HDAC4: variants seen among roughly 807,000 people sequenced by gnomAD.
HDAC4 encodes histone deacetylase 4.
A neutral mutation model predicts 135.1 loss-of-function variants in HDAC4; 16 were observed. That is an observed-to-expected ratio of 0.12 (90% confidence interval 0.08 to 0.18). The LOEUF (loss-of-function observed/expected upper bound fraction) is 0.18. Ranked by LOEUF, HDAC4 falls within the 10% of genes least tolerant of loss-of-function variation. The pLI is 1.00. For missense variants in HDAC4, 1,143 were observed against 1,511.8 expected, an observed-to-expected ratio of 0.76 and a Z score of 4.05; for synonymous variants, 685 against 653.4, an observed-to-expected ratio of 1.05 and a Z score of -0.74.
chr2:239,330,363 C>G (rs1691488167), intron 2 of HDAC4, among the ~76,000 whole-genome samples: 1 of 152,246 alleles, frequency 6.6e-6, no homozygotes, highest in East Asian at 1.9e-4. Flanking sequence ...CTAACCCTGC[C>G]TGGTTCCAAA....
Position 239,115,246 on chromosome 2 carries a change from T to C in HDAC4, c.1598A>G (p.Glu533Gly). Residue 533 changes from glutamate (E) to glycine (G), a missense_variant, in exon 13 of 27, where the codon GAG becomes GGG. Physicochemically the swap from Glu to Gly is moderately conservative, Grantham distance 98. Around this residue, in one of 9 missense-constraint regions of HDAC4, gnomAD observed 196 missense variants for 210.7 expected, o/e 0.93. Transcript: ENST00000543185. The surrounding 1 kb of genome is among the most constrained non-coding windows in gnomAD (Gnocchi z 6.3). ...CAGCAGAGCCTGGTGCTCACGGAGC[T>C]CCTCCTCCGTCTCCTCCGGGTGGCT... The part of the protein sequence containing the change: ...PESHPEETEE[E>G]LREHQALLDE... 6.2e-7 allele frequency: 1 copy of C among 1,612,820 alleles called. No individual in the cohort carries two copies. Among genetic ancestry groups the C allele is most frequent in the Non-Finnish European group, 8.5e-7 (1 of 1,179,670 alleles).
At chr2:239,290,126 C>T (rs2051374965) in intron 2 of HDAC4, among the ~76,000 whole-genome samples, 1 of 152,178 alleles carries the variant, frequency 6.6e-6, no homozygotes. Flanking sequence ...CAACATTAAC[C>T]AGGAAAAATT....
intron 16 of HDAC4, among the ~76,000 whole-genome samples, chr2:239,101,394 A>G (rs1054429803): frequency 3.9e-5 from 6 of 152,200 alleles, no homozygotes; most frequent in African/African-American, 1.4e-4. Context: ...GAGTGAACGC[A>G]TGAAGGACTA....
chr2:239,330,143 C>T (rs942781266), intron 2 of HDAC4, among the ~76,000 whole-genome samples: 3 of 152,244 alleles, frequency 2.0e-5, no homozygotes, highest in African/African-American at 4.8e-5. Context: ...AGCCGATGGC[C>T]GGAGGCCGTA....
chr2:239,207,888 CA>C (rs769588606), intron 3 of HDAC4, among the ~76,000 whole-genome samples: 18 of 151,936 alleles, frequency 1.2e-4, no homozygotes, highest in Non-Finnish European at 2.5e-4. Flanking sequence ...AAGAACTGGG[CA>C]AAGTATAAAA....
In HDAC4 at chr2:239,286,625, C is replaced by A. The variant is rs1220802205; in HGVS notation, c.23-49961G>T. 5.3e-5 allele frequency among the ~76,000 whole-genome samples: 8 copies of A among 152,140 alleles called. No individual in the cohort carries two copies. In the East Asian group the frequency reaches 1.5e-3, roughly 29 times the overall value. ...GATAAAACACACAAACTCACAGACA[C>A]AAAGGCAAACATATGCCAAGACAAC... On this transcript the variant is annotated intron_variant, in intron 2 of 26. Coordinates refer to ENST00000543185, the MANE Select transcript of HDAC4 (RefSeq NM_001378414.1).
chr2:239,084,869 T>TA (rs1479048464), intron 19 of HDAC4, among the ~76,000 whole-genome samples: 1 of 147,550 alleles, frequency 6.8e-6, no homozygotes, highest in Non-Finnish European at 1.5e-5. Flanking sequence ...GCCCCACAGA[T>TA]ACGCCCATAC....
chr2:239,367,396 CTATT>C (rs1323625248), intron 1 of HDAC4, among the ~76,000 whole-genome samples: 6 of 152,252 alleles, frequency 3.9e-5, no homozygotes, highest in African/African-American at 1.4e-4. Context: ...TGTTACCTAT[CTATT>C]TAACATGTAA....
intron 7 of HDAC4, among the ~76,000 whole-genome samples, chr2:239,147,164 G>A (rs1332654510): frequency 6.6e-6 from 1 of 152,240 alleles, no homozygotes; most frequent in Non-Finnish European, 1.5e-5. Flanking sequence ...AGAGAAGGGG[G>A]ATGCTGGAGA....
chr2:239,165,906 C>T (rs2043099571), intron 5 of HDAC4, among the ~76,000 whole-genome samples: 1 of 151,938 alleles, frequency 6.6e-6, no homozygotes, highest in South Asian at 2.1e-4. Flanking sequence ...TAATTTTATC[C>T]TTGGTTCTGG....
At chr2:239,121,939 C>T (rs979321767) in intron 12 of HDAC4, among the ~76,000 whole-genome samples, 5 of 152,278 alleles carry the variant, frequency 3.3e-5, no homozygotes, top group East Asian at 1.9e-4. Flanking sequence ...GTGAGCCGGA[C>T]GCGGGCAAAC....
chr2:239,256,759 G>A (rs1370397100), intron 2 of HDAC4, among the ~76,000 whole-genome samples: 1 of 152,238 alleles, frequency 6.6e-6, no homozygotes, highest in East Asian at 1.9e-4. Context: ...ATAATGTGGA[G>A]AAACACTGAC....
At chr2:239,289,476 T>A (rs2051337412) in intron 2 of HDAC4, among the ~76,000 whole-genome samples, 1 of 152,220 alleles carries the variant, frequency 6.6e-6, no homozygotes, top group South Asian at 2.1e-4. Context: ...AGTAAAACAC[T>A]TCTAAGTAAC....
rs7605696 is a variant in HDAC4 at position 239,141,630 on chromosome 2, C to G, written c.866-1834G>C. Among the ~76,000 whole-genome samples, 5 of 152,146 alleles carry G rather than the reference C, an allele frequency of 3.3e-5. No homozygotes were observed. Among genetic ancestry groups the G allele is most frequent in the Non-Finnish European group, 5.9e-5 (4 of 68,032 alleles). The stretch of plus-strand genomic sequence containing the variant: ...TCTCCCATCTCTGCCCCACCTGCAG[C>G]CCACCGTAGCCCACCCTAGACCCCT... On this transcript the variant is annotated intron_variant, in intron 8 of 26. Coordinates refer to ENST00000543185, the MANE Select transcript of HDAC4 (RefSeq NM_001378414.1). The surrounding 1 kb of genome is among the most constrained non-coding windows in gnomAD (Gnocchi z 4.9).
intron 2 of HDAC4, among the ~76,000 whole-genome samples, chr2:239,288,715 CAAAG>C (rs769176404): frequency 6.6e-5 from 10 of 151,116 alleles, no homozygotes; most frequent in South Asian, 2.1e-4. Flanking sequence ...TACAATCTAC[CAAAG>C]AATAAAGAAT....
intron 1 of HDAC4, among the ~76,000 whole-genome samples, chr2:239,375,583 C>T (rs1441161464): frequency 1.3e-5 from 2 of 152,366 alleles, no homozygotes; most frequent in South Asian, 2.1e-4. Flanking sequence ...GCCTACCTGG[C>T]ACACGGACAC....
At chr2:239,300,970 T>C (rs757596942) in intron 2 of HDAC4, among the ~76,000 whole-genome samples, 9 of 152,208 alleles carry the variant, frequency 5.9e-5, no homozygotes, top group Non-Finnish European at 1.0e-4. Flanking sequence ...TCTGGGCTTC[T>C]CTTTTCCTGG....
At position 239,095,171 on chromosome 2, in the gene HDAC4, A is replaced by AG. The variant is rs1172120941; in HGVS notation, c.2234-116dup. 13 of 1,065,494 alleles carry AG rather than the reference A, an allele frequency of 1.2e-5. No individual in the cohort carries two copies. In the Admixed American group the frequency reaches 1.2e-4, roughly 10 times the overall value. The allele number at this position is 1,065,494 out of a possible 1,614,324, so 66.0% of individuals were successfully genotyped here. ...GCACTTGGGCATTTGTGGGACAACG[A>AG]GGGGCCACTGCTCCCCCTTGTGACA... On this transcript the variant is annotated intron_variant, in intron 16 of 26. Transcript: ENST00000543185.
At position 239,236,660 on chromosome 2, in the gene HDAC4, T is replaced by G; in HGVS notation, c.27A>C (p.Gly9=). The G allele has an allele frequency of 6.4e-7, 1 of 1,551,466 alleles. No homozygotes were observed. The highest frequency in any genetic ancestry group is 8.7e-7 in the Non-Finnish European group (1 of 1,146,814). MSSQSHPD[G]LSGRDQPVEL... The stretch of plus-strand genomic sequence containing the variant: ...CCACTGGCTGGTCTCGGCCAGAAAG[T>G]CCATCTGGAGAACAGAGAAGGCACT... The change falls in exon 3 of 27, where the codon GGA becomes GGC. Residue 9 remains glycine (G), a synonymous_variant. Transcript: ENST00000543185.
Sources: allele counts gnomAD v4.1 joint callset (sites outside exome capture counted in the v4.1 genomes callset), GRCh38; gene constraint gnomAD v4.1.1; regional missense constraint gnomAD v4.1.1; non-coding constraint Gnocchi (gnomAD v3.1); transcripts MANE v1.5; gene names NCBI Gene and HGNC (gene_info 2026-07-23, HGNC 2026-07-21).